The following OR1L8 variants were observed in gnomAD, a reference collection of about 807,000 sequenced individuals.
OR1L8 encodes olfactory receptor family 1 subfamily L member 8.
For missense variants in OR1L8, 330 were observed against 377.4 expected (o/e 0.87, Z 1.04); for synonymous variants, 148 against 147.0 (o/e 1.01, Z -0.05).
downstream of OR1L8, among the ~76,000 whole-genome samples, chr9:122,564,403 T>TG (rs552873439): frequency 2.0e-5 from 3 of 151,590 alleles, no homozygotes; most frequent in South Asian, 2.1e-4. Context: ...ACTTGTGGAG[T>TG]GGGGGGGTAT....
At chr9:122,581,045 T>C (rs1024929973) in intron 1 of OR1L8, among the ~76,000 whole-genome samples, 2 of 152,126 alleles carry the variant, frequency 1.3e-5, no homozygotes, top group Non-Finnish European at 2.9e-5. Context: ...TTAAATATAA[T>C]TATAATGGTT....
At chr9:122,564,315 G>A (rs1288001636), downstream of OR1L8, among the ~76,000 whole-genome samples, 1 of 152,132 alleles carries the variant, frequency 6.6e-6, no homozygotes, top group Non-Finnish European at 1.5e-5. Context: ...TGCAACTGTG[G>A]TTATTTCTCC....
downstream of OR1L8, among the ~76,000 whole-genome samples, chr9:122,564,081 G>A (rs1030097478): frequency 3.9e-5 from 6 of 152,170 alleles, no homozygotes; most frequent in Admixed American, 1.3e-4. Context: ...ATTGGGAAAA[G>A]GGAAATGATC....
chr9:122,560,467 G>A, the OR1L8 span, among the ~76,000 whole-genome samples: 1 of 152,132 alleles, frequency 6.6e-6, no homozygotes, highest in East Asian at 1.9e-4. Context: ...GCTGGTACCG[G>A]TGTTTCCTTT....
chr9:122,567,381 G>A lies in OR1L8; in HGVS notation c.*167C>T, dbSNP rs775838615. On this transcript the variant is annotated 3_prime_UTR_variant, in exon 5 of 5. Transcript: ENST00000641027. The stretch of plus-strand genomic sequence containing the variant: ...AACGATTGTGATTTAAGAGATACAG[G>A]CCGAATTGTTGGGTCATCATCAATG... The A allele has an allele frequency of 1.9e-5, 10 of 513,918 alleles. No homozygotes were observed. Among genetic ancestry groups the A allele is most frequent in the African/African-American group, 5.8e-5 (3 of 52,156 alleles). The allele number at this position is 513,918 out of a possible 1,614,324, so 31.8% of individuals were successfully genotyped here.
chr9:122,569,048 A>G (rs1168882770), intron 4 of OR1L8, among the ~76,000 whole-genome samples: 1 of 146,534 alleles, frequency 6.8e-6, no homozygotes, highest in Non-Finnish European at 1.5e-5. Context: ...TTATCTTTGC[A>G]TTGTCTTGAA....
the OR1L8 span, chr9:122,554,256 G>A: frequency 1.0e-6 from 1 of 972,950 alleles, no homozygotes; most frequent in Admixed American, 2.4e-5. Context: ...GATATTAGGG[G>A]AAGGTTATCC....
intron 3 of OR1L8, among the ~76,000 whole-genome samples, chr9:122,576,222 C>T (rs1829653037): frequency 6.6e-6 from 1 of 151,366 alleles, no homozygotes; most frequent in Non-Finnish European, 1.5e-5. Flanking sequence ...TTCTTTTTTA[C>T]ATTTTTTTTT....
chr9:122,553,051 T>C, the OR1L8 span: 2 of 736,042 alleles, frequency 2.7e-6, no homozygotes, highest in Non-Finnish European at 4.7e-6. Context: ...GCATTCCCAG[T>C]GAGATTCAGA....
chr9:122,569,100 A>C (rs1829493105), intron 4 of OR1L8, among the ~76,000 whole-genome samples: 1 of 152,162 alleles, frequency 6.6e-6, no homozygotes, highest in Non-Finnish European at 1.5e-5. Context: ...GGGCAAATCT[A>C]AGACGACTGT....
the OR1L8 span, chr9:122,553,130 T>A: frequency 6.9e-7 from 1 of 1,448,218 alleles, no homozygotes; most frequent in Non-Finnish European, 9.5e-7. Context: ...GCCACACAGA[T>A]GCATATCTGT....
the OR1L8 span, among the ~76,000 whole-genome samples, chr9:122,551,225 T>C: frequency 6.6e-6 from 1 of 152,150 alleles, no homozygotes; most frequent in East Asian, 1.9e-4. Context: ...ACAATGATAC[T>C]AGAACAAAGC....
chr9:122,573,796 T>G (rs992003773), intron 3 of OR1L8, among the ~76,000 whole-genome samples: 1 of 152,204 alleles, frequency 6.6e-6, no homozygotes, highest in African/African-American at 2.4e-5. Context: ...GCCTTTGGTG[T>G]TGTATCTAAA....
chr9:122,557,210 A>G, the OR1L8 span, among the ~76,000 whole-genome samples: 242 of 152,190 alleles, frequency 1.6e-3, 1 homozygote, highest in African/African-American at 5.7e-3. Flanking sequence ...GAATCTGTAT[A>G]CTTTTCATTT....
chr9:122,575,143 C>A (rs751498551), intron 3 of OR1L8, among the ~76,000 whole-genome samples: 2 of 151,970 alleles, frequency 1.3e-5, no homozygotes, highest in Non-Finnish European at 2.9e-5. Flanking sequence ...ATGAGAGATA[C>A]AGGTTTATAG....
chr9:122,546,693 A>T, the OR1L8 span, among the ~76,000 whole-genome samples: 1 of 152,258 alleles, frequency 6.6e-6, no homozygotes, highest in Admixed American at 6.5e-5. Context: ...CTTAGAATTT[A>T]GAAGAAATAA....
chr9:122,582,558 A>AT (rs752492627), intron 1 of OR1L8, among the ~76,000 whole-genome samples: 8 of 136,438 alleles, frequency 5.9e-5, no homozygotes, highest in Non-Finnish European at 4.8e-5. Context: ...TCTGCACAAA[A>AT]TTAAAAAAAA....
chr9:122,553,842 A>G, the OR1L8 span: 1 of 1,613,634 alleles, frequency 6.2e-7, no homozygotes, highest in East Asian at 2.2e-5. Flanking sequence ...GCTGTTCCTC[A>G]CTGTTCCCCT....
the OR1L8 span, among the ~76,000 whole-genome samples, chr9:122,550,597 A>C: frequency 1.3e-5 from 2 of 152,166 alleles, no homozygotes; most frequent in African/African-American, 4.8e-5. Flanking sequence ...AGTGAAATAT[A>C]TACAAATCAA....
Sources: allele counts gnomAD v4.1 joint callset (sites outside exome capture counted in the v4.1 genomes callset), GRCh38; gene constraint gnomAD v4.1.1; transcripts MANE v1.5; gene names NCBI Gene and HGNC (gene_info 2026-07-23, HGNC 2026-07-21).